Variants in ASCC3 observed in about 807,000 individuals in gnomAD.
ASCC3 encodes the protein activating signal cointegrator 1 complex subunit 3, also known as ASC-1 complex subunit P200.
Under a neutral mutation model 256.3 loss-of-function variants are expected in ASCC3, and 158 were observed. The ratio of observed to expected loss-of-function variants is 0.62; its 90% confidence interval spans 0.54 to 0.70. The LOEUF is 0.70. Among genes scored for constraint, ASCC3 ranks in the 30% least tolerant of loss-of-function variants. The pLI, the probability that ASCC3 is intolerant of heterozygous loss-of-function variation, is 0.00. For synonymous variants in ASCC3, 948 were observed against 883.4 expected (o/e 1.07, Z -1.30); for missense variants, 2,259 against 2,626.0 (o/e 0.86, Z 3.05).
At chr6:100,520,369 C>T (rs1007610125) in intron 37 of ASCC3, among the ~76,000 whole-genome samples, 5 of 152,000 alleles carry the variant, frequency 3.3e-5, no homozygotes, top group Non-Finnish European at 5.9e-5. Flanking sequence ...TAGAGCAATA[C>T]GTAACTACTC....
At chr6:100,667,057 G>T (rs1776512369) in intron 14 of ASCC3, among the ~76,000 whole-genome samples, 1 of 152,168 alleles carries the variant, frequency 6.6e-6, no homozygotes, top group South Asian at 2.1e-4. Flanking sequence ...GGACCAAGAT[G>T]AAACTTTGTT....
chr6:100,661,477 A>G (rs1776218495), intron 16 of ASCC3, among the ~76,000 whole-genome samples: 1 of 151,916 alleles, frequency 6.6e-6, no homozygotes, highest in South Asian at 2.1e-4. Flanking sequence ...AATTTCATTT[A>G]AAACTTTGCA....
At chr6:100,681,186 T>G (rs1381402696) in intron 13 of ASCC3, among the ~76,000 whole-genome samples, 3 of 152,144 alleles carry the variant, frequency 2.0e-5, no homozygotes, top group Non-Finnish European at 1.5e-5. Context: ...CTTAAATAAC[T>G]AATACTATTT....
At chr6:100,665,985 C>T (rs937983204) in intron 14 of ASCC3, among the ~76,000 whole-genome samples, 5 of 152,104 alleles carry the variant, frequency 3.3e-5, no homozygotes, top group Non-Finnish European at 5.9e-5. Flanking sequence ...AAACTCTTCG[C>T]AACTACTACC....
At chr6:100,619,032 G>A (rs1441713101) in intron 30 of ASCC3, among the ~76,000 whole-genome samples, 1 of 152,182 alleles carries the variant, frequency 6.6e-6, no homozygotes, top group African/African-American at 2.4e-5. Context: ...GCAGCTGGGA[G>A]GCAATACCTG....
chr6:100,619,119 A>G (rs1478414214), intron 30 of ASCC3, among the ~76,000 whole-genome samples: 1 of 152,194 alleles, frequency 6.6e-6, no homozygotes, highest in Non-Finnish European at 1.5e-5. Flanking sequence ...TATTTGTTCT[A>G]TTGCCAGAAT....
intron 13 of ASCC3, among the ~76,000 whole-genome samples, chr6:100,712,476 C>G (rs958594281): frequency 6.6e-6 from 1 of 152,098 alleles, no homozygotes; most frequent in Non-Finnish European, 1.5e-5. Flanking sequence ...AGACATTTCA[C>G]CAAAGAAGAT....
intron 36 of ASCC3, among the ~76,000 whole-genome samples, chr6:100,560,403 C>G (rs926019691): frequency 1.3e-5 from 2 of 152,080 alleles, no homozygotes; most frequent in African/African-American, 4.8e-5. Context: ...CTGTTTCCCC[C>G]AGAATCAGAA....
intron 39 of ASCC3, 45 bp downstream of exon 39, chr6:100,516,132 CCTT>C: frequency 4.3e-6 from 7 of 1,612,220 alleles, no homozygotes; most frequent in Non-Finnish European, 5.9e-6. Flanking sequence ...TCTTGGTACA[CCTT>C]CTCAGAGTAG....
intron 20 of ASCC3, among the ~76,000 whole-genome samples, chr6:100,648,232 T>C (rs1775484751): frequency 6.6e-6 from 1 of 152,096 alleles, no homozygotes; most frequent in Non-Finnish European, 1.5e-5. Flanking sequence ...ATGAATGTAG[T>C]CTTTTTCTTC....
chr6:100,875,630 A>T (rs1236580922), intron 1 of ASCC3, among the ~76,000 whole-genome samples: 1 of 152,210 alleles, frequency 6.6e-6, no homozygotes, highest in Non-Finnish European at 1.5e-5. Context: ...GGCCTCTTGG[A>T]AGTAGACAGT....
intron 8 of ASCC3, among the ~76,000 whole-genome samples, chr6:100,784,116 T>C (rs1389694264): frequency 6.6e-6 from 1 of 152,198 alleles, no homozygotes; most frequent in East Asian, 1.9e-4. Flanking sequence ...TTTACACTTT[T>C]ATTTTTAAGG....
At position 100,848,574 on chromosome 6, in the gene ASCC3, T is replaced by A. The variant is rs930899091; in HGVS notation, c.375A>T (p.Ser125=). Residue 125 remains serine, a synonymous_variant, in exon 4 of 42, where the codon TCA becomes TCT. Coordinates refer to ENST00000369162, the MANE Select transcript of ASCC3 (RefSeq NM_006828.4). ...TAGCATTACAAGCTGCAGTGGCAGA[T>A]GATGAAGGAAAGGGGCCAAACATCT... ...IKQMFGPFPS[S]SATAACNATN... The A allele has an allele frequency of 6.2e-7, 1 of 1,614,156 alleles. No individual in the cohort carries two copies. The highest frequency in any genetic ancestry group is 8.5e-7 in the Non-Finnish European group (1 of 1,180,030).
At chr6:100,718,487 G>A (rs912886501) in intron 11 of ASCC3, among the ~76,000 whole-genome samples, 1 of 151,964 alleles carries the variant, frequency 6.6e-6, no homozygotes, top group Admixed American at 6.6e-5. Flanking sequence ...GGGTGAGTGT[G>A]TTGGCTCACA....
chr6:100,514,996 AC>A (rs1301558752), intron 39 of ASCC3, among the ~76,000 whole-genome samples: 1 of 152,224 alleles, frequency 6.6e-6, no homozygotes, highest in African/African-American at 2.4e-5. Context: ...GAGCCAAATA[AC>A]CATCATCATA....
At chr6:100,662,182 A>G (rs1441662971) in intron 15 of ASCC3, 152 bp from the exon 16 acceptor site, 4 of 1,136,788 alleles carry the variant, frequency 3.5e-6, no homozygotes, top group Non-Finnish European at 5.0e-6. Context: ...AATTTTCACA[A>G]TATAAACTAG....
intron 5 of ASCC3, among the ~76,000 whole-genome samples, chr6:100,804,443 C>A (rs1019258274): frequency 6.6e-6 from 1 of 151,934 alleles, no homozygotes; most frequent in African/African-American, 2.4e-5. Context: ...TATGCAGAAG[C>A]TCTTCAGTTT....
chr6:100,677,927 G>A (rs1271416139), intron 14 of ASCC3, among the ~76,000 whole-genome samples: 3 of 152,016 alleles, frequency 2.0e-5, no homozygotes, highest in Non-Finnish European at 2.9e-5. Flanking sequence ...GTGAATTAGT[G>A]CTTGGTGACA....
chr6:100,701,015 G>T (rs1400339137), intron 13 of ASCC3, among the ~76,000 whole-genome samples: 2 of 152,070 alleles, frequency 1.3e-5, no homozygotes, highest in African/African-American at 2.4e-5. Context: ...AGGGTGGAAT[G>T]ATATGGTTTG....
Sources: allele counts gnomAD v4.1 joint callset (sites outside exome capture counted in the v4.1 genomes callset), GRCh38; gene constraint gnomAD v4.1.1; transcripts MANE v1.5; gene names NCBI Gene and HGNC (gene_info 2026-07-23, HGNC 2026-07-21).